The following CDH13 variants were observed in gnomAD, a reference collection of about 807,000 sequenced individuals.
CDH13 encodes cadherin 13.
Under a neutral mutation model 63.8 loss-of-function variants are expected in CDH13, and 24 were observed. The ratio of observed to expected loss-of-function variants is 0.38; its 90% CI spans 0.27 to 0.53. The LOEUF is 0.53. CDH13 is among the 20% of genes least tolerant of loss of function. The pLI is 0.85. For synonymous variants in CDH13, 503 were observed against 355.3 expected (o/e 1.42, Z -4.67); for missense variants, 1,049 against 903.1 (o/e 1.16, Z -2.07).
At chr16:83,073,759 T>C (rs761205801) in intron 3 of CDH13, among the ~76,000 whole-genome samples, 2 of 152,082 alleles carry the variant, frequency 1.3e-5, no homozygotes, top group Non-Finnish European at 2.9e-5. Context: ...TAACATGATA[T>C]ATGTGCTATA....
At chr16:83,711,589 C>T (rs1908062088) in intron 10 of CDH13, among the ~76,000 whole-genome samples, 1 of 152,206 alleles carries the variant, frequency 6.6e-6, no homozygotes, top group Admixed American at 6.5e-5. Context: ...AATCTTGACT[C>T]ACCACAACCT....
rs76210469 is a variant in CDH13 at position 83,291,369 on chromosome 16, C to T, written c.637-53493C>T. ...TCAACTTTTCAGCTTATTGTACCCC[C>T]GCTTTGTACCCCACCTCACTCCCAG... is the stretch of plus-strand genomic sequence containing the variant. On this transcript the variant is annotated intron_variant, in intron 5 of 13. Transcript: ENST00000567109. 2.5e-4 allele frequency among the ~76,000 whole-genome samples: 38 copies of T among 152,140 alleles called. No homozygotes were observed. The East Asian group carries it at 6.6e-3, about 26-fold the overall frequency.
rs566913590 is a variant in CDH13, at chr16:83,224,901, C to G, written c.636+7404C>G. 2.0e-5 allele frequency among the ~76,000 whole-genome samples: 3 copies of G among 152,320 alleles called. No homozygotes were observed. The East Asian group carries it at 5.8e-4, about 29-fold the overall frequency. On this transcript the variant is annotated intron_variant, in intron 5 of 13. Transcript: ENST00000567109. ...ACATATCGGTTTTATAGTTTAAGCT[C>G]CCTGCAAGTACAATGGAGTTGAAAG... is the stretch of plus-strand genomic sequence containing the variant.
rs140528894 is a variant in CDH13 at position 83,066,972 on chromosome 16, C to A, written c.366+34754C>A. On this transcript the variant is annotated intron_variant, in intron 3 of 13. Coordinates refer to ENST00000567109, the MANE Select transcript of CDH13 (RefSeq NM_001257.5). ...CCAAATGCTGAAGTCTTTGCTTCAG[C>A]AATTTTTCCTGCCTCTAGGATGAGT... 4.6e-5 allele frequency among the ~76,000 whole-genome samples: 7 copies of A among 152,284 alleles called. No homozygotes were observed. In the East Asian group the frequency reaches 1.2e-3, roughly 25 times the overall value.
At chr16:82,649,947 G>A (rs532827205) in intron 1 of CDH13, among the ~76,000 whole-genome samples, 1 of 152,302 alleles carries the variant, frequency 6.6e-6, no homozygotes, top group Non-Finnish European at 1.5e-5. Flanking sequence ...ACAGTGCCCG[G>A]TGTGCTGTAA....
intron 5 of CDH13, among the ~76,000 whole-genome samples, chr16:83,308,397 C>T (rs1303406834): frequency 1.3e-5 from 2 of 152,122 alleles, no homozygotes; most frequent in East Asian, 3.9e-4. Flanking sequence ...CTAGATTTTC[C>T]TGGTGAGATT....
intron 3 of CDH13, among the ~76,000 whole-genome samples, chr16:83,123,083 G>A (rs962336511): frequency 3.9e-5 from 6 of 152,036 alleles, no homozygotes; most frequent in Admixed American, 6.6e-5. Flanking sequence ...TCATCCATGT[G>A]GCTGCAAAAG....
intron 1 of CDH13, among the ~76,000 whole-genome samples, chr16:82,828,269 T>C (rs907692111): frequency 6.6e-6 from 1 of 152,166 alleles, no homozygotes; most frequent in Admixed American, 6.5e-5. Context: ...TCACACACAG[T>C]CAGCCCTTCG....
chr16:82,921,142 G>A (rs747428567), intron 2 of CDH13, among the ~76,000 whole-genome samples: 44 of 152,012 alleles, frequency 2.9e-4, no homozygotes, highest in Non-Finnish European at 4.9e-4. Flanking sequence ...AGTTTTCTGT[G>A]GCTGCTGTAA....
intron 5 of CDH13, among the ~76,000 whole-genome samples, chr16:83,306,008 C>A (rs1407709351): frequency 1.3e-5 from 2 of 152,170 alleles, no homozygotes; most frequent in African/African-American, 4.8e-5. Flanking sequence ...TTTGAGGCTG[C>A]CCTGTGCACT....
intron 1 of CDH13, among the ~76,000 whole-genome samples, chr16:82,753,383 C>T (rs1359485670): frequency 6.6e-6 from 1 of 152,310 alleles, no homozygotes; most frequent in South Asian, 2.1e-4. Context: ...GGCTCTTCCC[C>T]TTAACCCCTA....
At chr16:83,582,454 C>A (rs1905707640) in intron 7 of CDH13, among the ~76,000 whole-genome samples, 1 of 151,944 alleles carries the variant, frequency 6.6e-6, no homozygotes, top group African/African-American at 2.4e-5. Context: ...AAGGTACTGC[C>A]TTGTTATGCA....
At chr16:83,193,074 T>C (rs2038772413) in intron 4 of CDH13, among the ~76,000 whole-genome samples, 1 of 151,920 alleles carries the variant, frequency 6.6e-6, no homozygotes, top group South Asian at 2.1e-4. Context: ...CTGACTCACT[T>C]GGAGAGTACA....
At chr16:82,797,421 A>C (rs543756376) in intron 1 of CDH13, among the ~76,000 whole-genome samples, 1 of 152,176 alleles carries the variant, frequency 6.6e-6, no homozygotes, top group Non-Finnish European at 1.5e-5. Context: ...CCAGACCTTT[A>C]CCCATTCCAA....
At chr16:83,611,565 C>G (rs981074575) in intron 8 of CDH13, among the ~76,000 whole-genome samples, 3 of 151,592 alleles carry the variant, frequency 2.0e-5, no homozygotes, top group Non-Finnish European at 2.9e-5. Flanking sequence ...CTTTGGGTAT[C>G]TTTCACCATT....
intron 6 of CDH13, among the ~76,000 whole-genome samples, chr16:83,357,779 A>T (rs544590991): frequency 6.6e-6 from 1 of 152,348 alleles, no homozygotes; most frequent in Admixed American, 6.5e-5. Context: ...TATAAAGCCC[A>T]AATGTAAAGT....
chr16:83,060,907 G>C (rs1279364778), intron 3 of CDH13, among the ~76,000 whole-genome samples: 2 of 152,026 alleles, frequency 1.3e-5, no homozygotes, highest in African/African-American at 4.8e-5. Flanking sequence ...CTTGATAATA[G>C]TCATTTTCTC....
intron 8 of CDH13, among the ~76,000 whole-genome samples, chr16:83,633,878 A>G (rs1055661309): frequency 6.6e-6 from 1 of 152,164 alleles, no homozygotes; most frequent in African/African-American, 2.4e-5. Context: ...CCCAGAATGC[A>G]TCATTTCAGG....
intron 5 of CDH13, among the ~76,000 whole-genome samples, chr16:83,301,795 A>C (rs2089753477): frequency 6.6e-6 from 1 of 151,312 alleles, no homozygotes; most frequent in Non-Finnish European, 1.5e-5. Context: ...TTTTCTGTAA[A>C]GTTTTGGCAG....
Sources: allele counts gnomAD v4.1 joint callset (sites outside exome capture counted in the v4.1 genomes callset), GRCh38; gene constraint gnomAD v4.1.1; transcripts MANE v1.5; gene names NCBI Gene and HGNC (gene_info 2026-07-23, HGNC 2026-07-21).